Variants in NHS observed in about 807,000 individuals in gnomAD.
NHS encodes the protein actin remodeling regulator NHS.
A neutral mutation model predicts 72.5 loss-of-function variants in NHS; 5 were observed. That is an observed-to-expected ratio of 0.07 (90% CI 0.04 to 0.14). NHS has a LOEUF of 0.14. NHS is among the 10% of genes least tolerant of loss of function. NHS has a pLI of 1.00. For synonymous variants in NHS, 464 were observed against 547.7 expected (o/e 0.85, Z 2.13); for missense variants, 1,072 against 1,355.7 (o/e 0.79, Z 3.29).
chrX:17,573,849 C>T (rs1046595439), intron 1 of NHS, among the ~76,000 whole-genome samples: 6 of 111,580 alleles, frequency 5.4e-5, no homozygotes, highest in Non-Finnish European at 7.5e-5. Context: ...TGGTGACCTA[C>T]GGATGGGGTT....
intron 3 of NHS, among the ~76,000 whole-genome samples, chrX:17,695,941 A>AGG (rs1455209467): frequency 1.3e-4 from 12 of 95,119 alleles, no homozygotes; most frequent in Non-Finnish European, 2.4e-4. Context: ...AAAAAAAAAA[A>AGG]AGGGGGGGGG....
intron 1 of NHS, among the ~76,000 whole-genome samples, chrX:17,380,780 A>G (rs1332180090): frequency 8.9e-6 from 1 of 111,804 alleles, no homozygotes; most frequent in East Asian, 2.8e-4. Flanking sequence ...AGATTCCAAG[A>G]GAAGGGTGAA....
intron 3 of NHS, among the ~76,000 whole-genome samples, chrX:17,717,939 T>C (rs1382844177): frequency 8.0e-5 from 9 of 111,939 alleles, no homozygotes; most frequent in Non-Finnish European, 1.7e-4. Context: ...AATTAGCAAG[T>C]GGTGTTGGAA....
At chrX:17,538,873 G>A (rs187451878) in intron 1 of NHS, among the ~76,000 whole-genome samples, 1 of 111,955 alleles carries the variant, frequency 8.9e-6, no homozygotes, top group East Asian at 2.8e-4. Context: ...CAGGTTGGAT[G>A]TACAGTGACT....
At chrX:17,429,709 G>A (rs2064678499) in intron 1 of NHS, among the ~76,000 whole-genome samples, 1 of 111,638 alleles carries the variant, frequency 9.0e-6, no homozygotes, top group Admixed American at 9.4e-5. Context: ...TCCCCTTTGA[G>A]CTGTGGCCCA....
intron 1 of NHS, among the ~76,000 whole-genome samples, chrX:17,419,043 C>T (rs1164810481): frequency 8.9e-6 from 1 of 112,504 alleles, no homozygotes; most frequent in Admixed American, 9.4e-5. Flanking sequence ...TGTAGATATT[C>T]TTGTCGCAGT....
intron 1 of NHS, among the ~76,000 whole-genome samples, chrX:17,639,896 C>T (rs1369873386): frequency 8.9e-6 from 1 of 112,167 alleles, no homozygotes; most frequent in Non-Finnish European, 1.9e-5. Context: ...TGTGGAGTGG[C>T]ATGGGAAGCC....
intron 4 of NHS, 40 bp downstream of exon 4, chrX:17,719,446 C>T: frequency 9.8e-7 from 1 of 1,023,873 alleles, no homozygotes; most frequent in South Asian, 2.3e-5. Flanking sequence ...CCCTATCCCA[C>T]TCTGTCCAGA....
rs760274578 is a variant in NHS, at chrX:17,727,602, G to A, written c.3496G>A (p.Glu1166Lys). 12 of 1,209,722 alleles carry A rather than the reference G, an allele frequency of 9.9e-6. No individual in the cohort carries two copies. In the East Asian group the frequency reaches 3.3e-4, roughly 33 times the overall value. ...EENNTDLPYLEESTLTTAALS... is the reference protein window; with the variant it reads ...EENNTDLPYLKESTLTTAALS... The stretch of plus-strand genomic sequence containing the variant: ...AAACAATACAGATCTCCCTTATTTA[G>A]AGGAAAGCACACTCACAACGGCTGC... The change falls in exon 7 of 9, where the codon GAG (glutamate) becomes AAG (lysine). Residue 1166 changes from glutamate (E) to lysine (K), a missense_variant. Glu to Lys is a moderately conservative substitution (Grantham distance 56, BLOSUM62 1). Coordinates refer to ENST00000676302, the MANE Select transcript of NHS (RefSeq NM_001291867.2).
intron 1 of NHS, among the ~76,000 whole-genome samples, chrX:17,594,776 A>G (rs1663333912): frequency 8.9e-6 from 1 of 112,661 alleles, no homozygotes; most frequent in African/African-American, 3.2e-5. Context: ...GTGACTGGGG[A>G]AAAGTTCTAA....
At chrX:17,492,006 A>G (rs1373175022) in intron 1 of NHS, among the ~76,000 whole-genome samples, 1 of 109,303 alleles carries the variant, frequency 9.1e-6, no homozygotes, top group Non-Finnish European at 1.9e-5. Context: ...TATTGTGTCT[A>G]TTTGATTCTT....
intron 1 of NHS, among the ~76,000 whole-genome samples, chrX:17,567,403 C>T (rs1365279403): frequency 1.8e-5 from 2 of 112,317 alleles, no homozygotes; most frequent in Admixed American, 9.4e-5. Flanking sequence ...CAGTTGGCTT[C>T]CTTCCCCCTC....
At chrX:17,389,391 A>G (rs2146844265) in intron 1 of NHS, among the ~76,000 whole-genome samples, 1 of 111,371 alleles carries the variant, frequency 9.0e-6, no homozygotes, top group East Asian at 2.8e-4. Flanking sequence ...GACCAAGACT[A>G]AGAATTAGTG....
chrX:17,485,989 C>T (rs2064965977), intron 1 of NHS, among the ~76,000 whole-genome samples: 1 of 111,582 alleles, frequency 9.0e-6, no homozygotes, highest in African/African-American at 3.3e-5. Context: ...ACTAATATAT[C>T]ACAGGGCACA....
intron 1 of NHS, among the ~76,000 whole-genome samples, chrX:17,614,019 A>G (rs1187113182): frequency 8.9e-6 from 1 of 112,366 alleles, no homozygotes; most frequent in Non-Finnish European, 1.9e-5. Flanking sequence ...ATAGGGGCAT[A>G]GTGTTTGGTT....
At chrX:17,714,818 G>A (rs1458657278) in intron 3 of NHS, among the ~76,000 whole-genome samples, 3 of 111,973 alleles carry the variant, frequency 2.7e-5, no homozygotes, top group Non-Finnish European at 3.8e-5. Context: ...CACCCATTAA[G>A]GCGTGGCAGG....
chrX:17,399,348 C>T (rs1046852821), intron 1 of NHS, among the ~76,000 whole-genome samples: 19 of 111,500 alleles, frequency 1.7e-4, no homozygotes, highest in Admixed American at 1.2e-3. Context: ...GTGATCCACC[C>T]GCCGTGGCCT....
intron 1 of NHS, among the ~76,000 whole-genome samples, chrX:17,624,814 A>G (rs937697448): frequency 8.9e-6 from 1 of 112,646 alleles, no homozygotes; most frequent in African/African-American, 3.2e-5. Context: ...AAATGGTCAC[A>G]GTAGCAACAA....
At chrX:17,669,526 A>G (rs1471815196) in intron 1 of NHS, among the ~76,000 whole-genome samples, 1 of 112,010 alleles carries the variant, frequency 8.9e-6, no homozygotes, top group East Asian at 2.8e-4. Context: ...TTTTTGACCT[A>G]TATACCAAAT....
Sources: allele counts gnomAD v4.1 joint callset (sites outside exome capture counted in the v4.1 genomes callset), GRCh38; gene constraint gnomAD v4.1.1; transcripts MANE v1.5; gene names NCBI Gene and HGNC (gene_info 2026-07-23, HGNC 2026-07-21).